TANGO6: variants seen among roughly 807,000 people sequenced by gnomAD.
TANGO6 encodes the protein transport and Golgi organization protein 6 homolog.
TANGO6 carries 90 observed loss-of-function variants against 114.2 expected under a neutral mutation model. The ratio of observed to expected loss-of-function variants is 0.79; its 90% CI spans 0.66 to 0.94. The LOEUF is 0.94. TANGO6 is among the 40% of genes least tolerant of loss of function. The pLI is 0.00. For synonymous variants in TANGO6, 477 were observed against 509.8 expected, an observed-to-expected ratio of 0.94 and a Z score of 0.87; for missense variants, 1,274 against 1,315.3, an observed-to-expected ratio of 0.97 and a Z score of 0.49.
intron 1 of TANGO6, among the ~76,000 whole-genome samples, chr16:68,859,273 C>T (rs1408904695): frequency 2.0e-5 from 3 of 152,156 alleles, no homozygotes; most frequent in African/African-American, 7.2e-5. Context: ...TGGGCTCCAG[C>T]GATCCTCCCA....
intron 15 of TANGO6, among the ~76,000 whole-genome samples, chr16:69,014,273 G>GT (rs1234319465): frequency 3.3e-5 from 5 of 152,090 alleles, no homozygotes; most frequent in Non-Finnish European, 7.3e-5. Context: ...ATGGTTTCAA[G>GT]TTGGTTGCAG....
intron 15 of TANGO6, among the ~76,000 whole-genome samples, chr16:69,022,139 G>A (rs1169789982): frequency 3.3e-5 from 5 of 151,878 alleles, no homozygotes; most frequent in African/African-American, 9.7e-5. Flanking sequence ...GCCCACCTCG[G>A]CCTCCCAAAG....
rs1343203155 is a variant in TANGO6, at chr16:68,927,851, C to A, written c.2411C>A (p.Ala804Asp). The change falls in exon 13 of 18, where the codon GCC becomes GAC. Residue 804 changes from alanine to aspartate, a missense_variant. By Grantham distance (126) the Ala-to-Asp change is moderately radical. Around this residue, in one of 5 missense-constraint regions of TANGO6, gnomAD observed 908 missense variants for 910.2 expected, o/e 1.00. Coordinates refer to ENST00000261778, the MANE Select transcript of TANGO6 (RefSeq NM_024562.2). Reference protein sequence around the residue: ...HLEQQQSHETAPQTGLQSNAP... With the variant: ...HLEQQQSHETDPQTGLQSNAP... ...GAACAACAGCAGAGCCATGAGACAG[C>A]CCCCCAGACAGGCCTGCAGTCAAAT... is the stretch of plus-strand genomic sequence containing the variant. 6.8e-6 allele frequency: 11 copies of A among 1,613,960 alleles called. No individual in the cohort carries two copies. The highest frequency in any genetic ancestry group is 9.3e-6 in the Non-Finnish European group (11 of 1,179,868).
Position 68,982,990 on chromosome 16 carries a change from G to A in TANGO6, c.2842+8822G>A, listed in dbSNP as rs146609277. ...CTTGGTTGCTCCTGAATCACTTCAG[G>A]AAGCCTCAGATTTGCAGGTCTTGTT... On this transcript the variant is annotated intron_variant, in intron 15 of 17. Coordinates refer to ENST00000261778, the MANE Select transcript of TANGO6 (RefSeq NM_024562.2). Among the ~76,000 whole-genome samples the A allele has an allele frequency of 5.8e-3, 874 of 151,844 alleles. 12 individuals carry two copies. The highest frequency in any genetic ancestry group is 4.5e-3 in the Non-Finnish European group (303 of 67,944).
chr16:68,870,843 C>T (rs1013885939), intron 4 of TANGO6, among the ~76,000 whole-genome samples: 3 of 151,082 alleles, frequency 2.0e-5, no homozygotes, highest in South Asian at 2.1e-4. Context: ...TTGTTGCCCA[C>T]GATCTCGGCT....
At chr16:68,960,228 T>A (rs1963575310) in intron 14 of TANGO6, among the ~76,000 whole-genome samples, 1 of 152,056 alleles carries the variant, frequency 6.6e-6, no homozygotes, top group Non-Finnish European at 1.5e-5. Context: ...CAGTGATTAC[T>A]TTCAATGCAG....
rs201343142 is a variant in TANGO6, at chr16:69,072,739, CAG to C, written c.3109-10745_3109-10744del. ...AAAACAGAGATCCGGTAACTGATAA[CAG>C]GGAGCTCAGCACCCCTCAAGTGTGG... is the stretch of plus-strand genomic sequence containing the variant. On this transcript the variant is annotated intron_variant, in intron 17 of 17. Coordinates refer to ENST00000261778, the MANE Select transcript of TANGO6 (RefSeq NM_024562.2). Among the ~76,000 whole-genome samples, 9 of 152,162 alleles carry C rather than the reference CAG, an allele frequency of 5.9e-5. No homozygotes were observed. The East Asian group carries it at 1.7e-3, about 29-fold the overall frequency.
chr16:68,927,420 C>A (rs111309684), intron 12 of TANGO6, 148 bp from the exon 13 acceptor site: 2 of 732,476 alleles, frequency 2.7e-6, no homozygotes, highest in Middle Eastern at 3.9e-4. Flanking sequence ...AAATGGTATT[C>A]AGTGCTGGAC....
intron 15 of TANGO6, among the ~76,000 whole-genome samples, chr16:69,012,556 C>CAAAAAAAAAAAAAA (rs1175561720): frequency 2.7e-5 from 1 of 36,504 alleles, no homozygotes; most frequent in African/African-American, 1.0e-4. Context: ...AACTCTGTCT[C>CAAAAAAAAAAAAAA]AAAAAAAAAA....
intron 17 of TANGO6, among the ~76,000 whole-genome samples, chr16:69,069,817 C>G (rs552966271): frequency 1.3e-5 from 2 of 152,188 alleles, no homozygotes; most frequent in African/African-American, 4.8e-5. Context: ...GGAAAGGGGT[C>G]TCCATTCCAG....
At chr16:68,972,153 G>A (rs1277876520) in intron 14 of TANGO6, among the ~76,000 whole-genome samples, 1 of 151,848 alleles carries the variant, frequency 6.6e-6, no homozygotes, top group Non-Finnish European at 1.5e-5. Flanking sequence ...ACTCTGGATT[G>A]GAGGTGTGGT....
intron 15 of TANGO6, among the ~76,000 whole-genome samples, chr16:68,977,158 T>C (rs1963772794): frequency 6.6e-6 from 1 of 152,144 alleles, no homozygotes; most frequent in Non-Finnish European, 1.5e-5. Flanking sequence ...AAATTCCATA[T>C]AGCCATGCAC....
At chr16:69,015,679 C>T (rs1204651857) in intron 15 of TANGO6, among the ~76,000 whole-genome samples, 2 of 151,772 alleles carry the variant, frequency 1.3e-5, no homozygotes, top group African/African-American at 2.4e-5. Flanking sequence ...GACCGGGTTT[C>T]GCCATGTTAG....
At chr16:69,077,720 T>A (rs1230706210) in intron 17 of TANGO6, among the ~76,000 whole-genome samples, 4 of 151,904 alleles carry the variant, frequency 2.6e-5, no homozygotes, top group African/African-American at 9.7e-5. Context: ...TCCCAGCTAC[T>A]CGGGAGGCTG....
rs937601858 is a variant in TANGO6, at chr16:68,877,710, C to G, written c.1132-408C>G. Among the ~76,000 whole-genome samples the G allele has an allele frequency of 2.4e-4, 37 of 151,984 alleles. 3 individuals carry two copies. Among genetic ancestry groups the G allele is most frequent in the Admixed American group, 1.9e-3 (29 of 15,282 alleles). ...GCAAGCTCTGCTTCCCAGGTTCACA[C>G]CATTCTCCTGCCTCAGCCTCCTGAG... On this transcript the variant is annotated intron_variant, in intron 5 of 17. Transcript: ENST00000261778.
At chr16:69,032,442 A>G (rs1038987826) in intron 16 of TANGO6, among the ~76,000 whole-genome samples, 5 of 151,464 alleles carry the variant, frequency 3.3e-5, no homozygotes, top group Admixed American at 3.3e-4. Context: ...ATTTTTTTCT[A>G]TTTTTAGTAG....
At position 69,024,346 on chromosome 16, in the gene TANGO6, A is replaced by G. The variant is rs2152228701; in HGVS notation, c.2994+1367A>G. Reference sequence around the variant, plus strand: ...CAGTGGCACGATCTCGGCTTACTGCAACCTCCGCCTCCCGGGTCCCAGTTC... The same window carrying G: ...CAGTGGCACGATCTCGGCTTACTGCGACCTCCGCCTCCCGGGTCCCAGTTC... On this transcript the variant is annotated intron_variant, in intron 16 of 17. Coordinates refer to ENST00000261778, the MANE Select transcript of TANGO6 (RefSeq NM_024562.2). Among the ~76,000 whole-genome samples the G allele has an allele frequency of 1.3e-5, 2 of 151,068 alleles. 1 individual carries two copies. The highest frequency in any genetic ancestry group is 3.9e-4 in the East Asian group (2 of 5,134).
chr16:68,865,341 G>T (rs903458216), intron 3 of TANGO6, among the ~76,000 whole-genome samples: 2 of 151,830 alleles, frequency 1.3e-5, no homozygotes, highest in Non-Finnish European at 2.9e-5. Flanking sequence ...CAAAATAAGG[G>T]CTAGAACATT....
intron 4 of TANGO6, among the ~76,000 whole-genome samples, chr16:68,871,817 G>A (rs111435926): frequency 0.097 from 14,810 of 152,178 alleles, 814 homozygotes; most frequent in Non-Finnish European, 0.13. Context: ...ACAGGGTTTC[G>A]ACATATTGCC....
Sources: gnomAD v4.1 joint callset for allele counts (sites outside exome capture counted in the v4.1 genomes callset) on GRCh38, gnomAD v4.1.1 for gene constraint, gnomAD v4.1.1 regional missense constraint, MANE v1.5 for transcripts, NCBI Gene and HGNC (gene_info 2026-07-23, HGNC 2026-07-21) for gene names.